The following ASCC3 variants were observed in gnomAD, a reference collection of about 807,000 sequenced individuals.
ASCC3 encodes activating signal cointegrator 1 complex subunit 3.
ASCC3 carries 158 observed loss-of-function variants against 256.3 expected under a neutral mutation model. The observed-to-expected ratio is 0.62, with a 90% CI of 0.54 to 0.70. ASCC3 has a LOEUF of 0.70. ASCC3 is among the 30% of genes least tolerant of loss of function. The probability of loss-of-function intolerance (pLI) is 0.00; values close to 1 mark genes in which losing one functional copy is unlikely to be tolerated. For synonymous variants in ASCC3, 948 were observed against 883.4 expected (o/e 1.07, Z -1.30); for missense variants, 2,259 against 2,626.0 (o/e 0.86, Z 3.05).
At chr6:100,782,291 A>C (rs1261086988) in intron 8 of ASCC3, among the ~76,000 whole-genome samples, 2 of 152,200 alleles carry the variant, frequency 1.3e-5, no homozygotes, top group Non-Finnish European at 2.9e-5. Flanking sequence ...ATACTAATGC[A>C]TCACATGTGA....
At chr6:100,878,845 A>G (rs570541133) in intron 1 of ASCC3, among the ~76,000 whole-genome samples, 1 of 151,930 alleles carries the variant, frequency 6.6e-6, no homozygotes, top group East Asian at 1.9e-4. Context: ...TGCACCAAGC[A>G]AACAATCACT....
intron 34 of ASCC3, among the ~76,000 whole-genome samples, chr6:100,597,655 C>T (rs936413100): frequency 6.6e-6 from 1 of 151,744 alleles, no homozygotes; most frequent in African/African-American, 2.4e-5. Context: ...AAGGAACCAA[C>T]ACATGAAATA....
intron 34 of ASCC3, among the ~76,000 whole-genome samples, chr6:100,592,871 C>T (rs866394235): frequency 6.6e-6 from 1 of 152,088 alleles, no homozygotes; most frequent in Non-Finnish European, 1.5e-5. Flanking sequence ...CATTTCACAA[C>T]TGTTTAATTA....
At chr6:100,639,335 T>G (rs966087739) in intron 24 of ASCC3, among the ~76,000 whole-genome samples, 1 of 152,188 alleles carries the variant, frequency 6.6e-6, no homozygotes, top group South Asian at 2.1e-4. Context: ...AAGCAAAGCA[T>G]GACTGAGTAA....
intron 10 of ASCC3, among the ~76,000 whole-genome samples, chr6:100,727,418 T>C (rs1779685704): frequency 2.0e-5 from 3 of 152,028 alleles, no homozygotes; most frequent in Admixed American, 6.6e-5. Flanking sequence ...ATCTCTCGTG[T>C]AATAAAGCCT....
At chr6:100,585,160 T>C (rs1157526719) in intron 36 of ASCC3, among the ~76,000 whole-genome samples, 1 of 152,230 alleles carries the variant, frequency 6.6e-6, no homozygotes, top group Non-Finnish European at 1.5e-5. Context: ...TCCTGGATAA[T>C]ATCCTGCAGA....
In ASCC3 at chr6:100,509,251, C is replaced by T; in HGVS notation, c.*135G>A. The T allele has an allele frequency of 2.5e-6, 3 of 1,181,296 alleles. No homozygotes were observed. Among genetic ancestry groups the T allele is most frequent in the Admixed American group, 3.4e-5 (2 of 58,780 alleles). 73.2% of individuals were successfully genotyped at this position (1,181,296 alleles called of 1,614,324 possible). A position where few individuals can be genotyped will look rare whatever the true frequency, so the allele number is the denominator to read the frequency against. On this transcript the variant is annotated 3_prime_UTR_variant, in exon 42 of 42. Coordinates refer to ENST00000369162, the MANE Select transcript of ASCC3 (RefSeq NM_006828.4). ...TATGTCACTGGAGTCAATACTGCAG[C>T]CACTGTCAATTTCCTGGATGGTTGA...
chr6:100,693,500 A>T (rs917138388), intron 13 of ASCC3, among the ~76,000 whole-genome samples: 2 of 152,156 alleles, frequency 1.3e-5, no homozygotes, highest in African/African-American at 4.8e-5. Flanking sequence ...GAGAAAATGG[A>T]GGAATCACAG....
intron 12 of ASCC3, among the ~76,000 whole-genome samples, chr6:100,716,268 G>A (rs143590594): frequency 1.4e-4 from 21 of 151,778 alleles, no homozygotes; most frequent in Admixed American, 9.2e-4. Context: ...CATATGCCCA[G>A]AAAATATGTA....
chr6:100,839,335 T>C (rs943734419), intron 4 of ASCC3, among the ~76,000 whole-genome samples: 3 of 152,172 alleles, frequency 2.0e-5, no homozygotes, highest in African/African-American at 7.2e-5. Flanking sequence ...AATAAATGAA[T>C]GAGTGAACAG....
intron 40 of ASCC3, among the ~76,000 whole-genome samples, chr6:100,511,424 A>G (rs907539817): frequency 6.6e-6 from 1 of 152,030 alleles, no homozygotes; most frequent in Non-Finnish European, 1.5e-5. Context: ...ATCTCAAACA[A>G]ACAAACAAAT....
chr6:100,718,115 G>A lies in ASCC3; in HGVS notation c.2039C>T (p.Pro680Leu), dbSNP rs1417318528. The change falls in exon 12 of 42, where the codon CCT (proline) becomes CTT (leucine). Residue 680 changes from proline to leucine, a missense_variant. By Grantham distance (98) the Pro-to-Leu change is moderately conservative (BLOSUM62 -3). This residue lies in a region of ASCC3 where 1,839 missense variants were observed against 2,206.7 expected (regional missense o/e 0.83). Transcript: ENST00000369162. ...AATCCCCAAAAATGTCTGTCCAAGA[G>A]GTACTGGTCGAAAACGGCCATCAAA... ...FFFDGRFRPV[P>L]LGQTFLGIKC... is the part of the protein sequence containing the mutation. The A allele has an allele frequency of 6.2e-7, 1 of 1,613,574 alleles. No individual in the cohort carries two copies. Among genetic ancestry groups the A allele is most frequent in the South Asian group, 1.1e-5 (1 of 91,066 alleles).
chr6:100,532,406 ATTTT>A (rs57203625), intron 37 of ASCC3, among the ~76,000 whole-genome samples: 1,695 of 48,198 alleles, frequency 0.035, 19 homozygotes, highest in Middle Eastern at 0.1. Flanking sequence ...ATATATATAT[ATTTT>A]TTTTTTTTTT....
chr6:100,693,330 T>TGTGTTC (rs1298628908), intron 13 of ASCC3, among the ~76,000 whole-genome samples: 1 of 151,012 alleles, frequency 6.6e-6, no homozygotes, highest in African/African-American at 2.4e-5. Flanking sequence ...ATGCAAGGAG[T>TGTGTTC]CCACAATCAC....
intron 13 of ASCC3, among the ~76,000 whole-genome samples, chr6:100,705,436 A>AT (rs1778532860): frequency 6.6e-6 from 1 of 151,970 alleles, no homozygotes. Context: ...AAAACTGTTA[A>AT]TTTTTTGCCT....
At chr6:100,814,693 T>C (rs1160293454) in intron 4 of ASCC3, among the ~76,000 whole-genome samples, 1 of 152,162 alleles carries the variant, frequency 6.6e-6, no homozygotes, top group Non-Finnish European at 1.5e-5. Flanking sequence ...TCCAGGAATT[T>C]ATCCTTTTCT....
chr6:100,639,234 C>A (rs1314886815), intron 24 of ASCC3, among the ~76,000 whole-genome samples: 1 of 152,106 alleles, frequency 6.6e-6, no homozygotes, highest in East Asian at 1.9e-4. Context: ...AGACACTGAC[C>A]AAGCAAGAGC....
chr6:100,530,861 A>G, intron 37 of ASCC3: 1 of 1,276,520 alleles, frequency 7.8e-7, no homozygotes, highest in Non-Finnish European at 1.1e-6. Flanking sequence ...TCTTAGACTT[A>G]TGGAATAAAT....
chr6:100,668,745 C>A (rs1490983860), intron 14 of ASCC3, among the ~76,000 whole-genome samples: 2 of 151,804 alleles, frequency 1.3e-5, no homozygotes, highest in African/African-American at 2.4e-5. Flanking sequence ...CCCCAGAATG[C>A]AAGGGCATTG....
Sources: allele counts gnomAD v4.1 joint callset (sites outside exome capture counted in the v4.1 genomes callset), GRCh38; gene constraint gnomAD v4.1.1; regional missense constraint gnomAD v4.1.1; transcripts MANE v1.5; gene names NCBI Gene and HGNC (gene_info 2026-07-23, HGNC 2026-07-21).